Variants in PTGS1 observed in about 807,000 individuals in gnomAD.
PTGS1 encodes prostaglandin G/H synthase 1.
A neutral mutation model predicts 63.0 loss-of-function variants in PTGS1; 40 were observed. The ratio of observed to expected loss-of-function variants is 0.63; its 90% CI spans 0.49 to 0.83. The LOEUF (loss-of-function observed/expected upper bound fraction) is 0.83, where lower values mean the gene tolerates loss of function less well. Ranked by LOEUF, PTGS1 falls within the 40% of genes least tolerant of loss-of-function variation. PTGS1 has a pLI of 0.00. For missense variants in PTGS1, 709 were observed against 786.5 expected (o/e 0.90, Z 1.18); for synonymous variants, 298 against 301.9 (o/e 0.99, Z 0.13).
At chr9:122,375,266 GCACAGCCTCT>G in intron 2 of PTGS1, 1 of 984,614 alleles carries the variant, frequency 1.0e-6, no homozygotes, top group South Asian at 4.7e-5. Flanking sequence ...CTCAGCTCCC[GCACAGCCTCT>G]CTTGGCAGGG....
chr9:122,379,955 G>A (rs146770577), intron 5 of PTGS1, among the ~76,000 whole-genome samples: 1 of 152,224 alleles, frequency 6.6e-6, no homozygotes, highest in Non-Finnish European at 1.5e-5. Flanking sequence ...ATTCCTTTCT[G>A]TGAGGGCAAT....
In PTGS1 at chr9:122,392,482, C is replaced by T. The variant is rs1003968567; in HGVS notation, c.1738C>T (p.Arg580Cys). 9 of 1,614,062 alleles carry T rather than the reference C, an allele frequency of 5.6e-6. No individual in the cohort carries two copies. Among genetic ancestry groups the T allele is most frequent in the African/African-American group, 1.3e-5 (1 of 74,918 alleles). Residue 580 changes from arginine (R) to cysteine (C), a missense_variant, in exon 11 of 11, where the codon CGT becomes TGT. Coordinates refer to ENST00000362012, the MANE Select transcript of PTGS1 (RefSeq NM_000962.4). Reference sequence around the variant, plus strand: ...CAAGACCTGTCCCTACGTTTCCTTCCGTGTGCCGGATGCCAGTCAGGATGA... The same window carrying T: ...CAAGACCTGTCCCTACGTTTCCTTCTGTGTGCCGGATGCCAGTCAGGATGA... ...NTKTCPYVSF[R>C]VPDASQDDGP...
intron 9 of PTGS1, among the ~76,000 whole-genome samples, chr9:122,389,477 G>A (rs1838073478): frequency 6.6e-6 from 1 of 152,168 alleles, no homozygotes; most frequent in Admixed American, 6.5e-5. Flanking sequence ...TTAGACTAAT[G>A]CGCCTTAACT....
upstream of PTGS1, chr9:122,370,940 C>T (rs1229679720): frequency 2.3e-6 from 3 of 1,303,290 alleles, no homozygotes; most frequent in East Asian, 2.7e-5. Context: ...AGGAAGTAAG[C>T]GGGCAGCCGA....
Position 122,381,538 on chromosome 9 carries a change from G to A in PTGS1, c.664G>A (p.Ala222Thr), listed in dbSNP as rs1450665882. 2 of 1,614,186 alleles carry A rather than the reference G, an allele frequency of 1.2e-6. No individual in the cohort carries two copies. The highest frequency in any genetic ancestry group is 1.7e-5 in the Admixed American group (1 of 60,024). The change falls in exon 6 of 11, where the codon GCC becomes ACC. Residue 222 changes from alanine (A) to threonine (T), a missense_variant. Ala to Thr is a moderately conservative substitution (Grantham distance 58, BLOSUM62 0). Transcript: ENST00000362012. ...CAAGATGGGTCCTGGCTTCACCAAG[G>A]CCTTGGGCCATGGGGTGAGTACCTA... ...SGKMGPGFTKALGHGVDLGHI... is the reference protein window; with the variant it reads ...SGKMGPGFTKTLGHGVDLGHI...
chr9:122,386,119 AC>A (rs1837855464), intron 8 of PTGS1, among the ~76,000 whole-genome samples: 1 of 142,554 alleles, frequency 7.0e-6, no homozygotes, highest in African/African-American at 2.9e-5. Context: ...ACATAGTGAG[AC>A]CCCATCTCTT....
intron 4 of PTGS1, 53 bp downstream of exon 4, chr9:122,378,626 C>T (rs979494136): frequency 6.2e-7 from 1 of 1,612,444 alleles, no homozygotes; most frequent in Admixed American, 1.7e-5. Context: ...GCCTGCTAGT[C>T]CTTTTGGATT....
intron 2 of PTGS1, 82 bp downstream of exon 2, chr9:122,371,354 C>A: frequency 6.3e-7 from 1 of 1,581,674 alleles, no homozygotes; most frequent in Non-Finnish European, 8.5e-7. Context: ...TCCCCTCCAG[C>A]GGGCCCAGCT....
chr9:122,378,026 C>T lies in PTGS1; in HGVS notation c.211+11C>T, dbSNP rs1292950325. 16 of 1,606,198 alleles carry T rather than the reference C, an allele frequency of 1.0e-5. No homozygotes were observed. The highest frequency in any genetic ancestry group is 6.7e-5 in the East Asian group (3 of 44,862). On this transcript the variant is annotated intron_variant, in intron 3 of 10. Transcript: ENST00000362012. Reference sequence around the variant, plus strand: ...CCAACTGCACCATCCGTGAGCTGGGCCTTCAGCCCTCACTCCTTCCGTCTT... The same window carrying T: ...CCAACTGCACCATCCGTGAGCTGGGTCTTCAGCCCTCACTCCTTCCGTCTT...
chr9:122,376,909 G>C (rs777472917), intron 2 of PTGS1, among the ~76,000 whole-genome samples: 1 of 152,226 alleles, frequency 6.6e-6, no homozygotes, highest in African/African-American at 2.4e-5. Flanking sequence ...TTTAGCAAGG[G>C]GGTGGTGGTC....
rs149746421 is a variant in PTGS1, at chr9:122,390,620, G to A, written c.1444+275G>A. On this transcript the variant is annotated intron_variant, in intron 10 of 10. Coordinates refer to ENST00000362012, the MANE Select transcript of PTGS1 (RefSeq NM_000962.4). ...AGCAATAGAAAGTACAAAGGCTGCC[G>A]GGCAAGGTGGCTCGCGCCTGTAATC... 1.1e-4 allele frequency among the ~76,000 whole-genome samples: 16 copies of A among 152,226 alleles called. No individual in the cohort carries two copies. The East Asian group carries it at 2.5e-3, about 24-fold the overall frequency.
intron 9 of PTGS1, among the ~76,000 whole-genome samples, chr9:122,388,847 G>A (rs946910282): frequency 6.6e-6 from 1 of 152,224 alleles, no homozygotes; most frequent in African/African-American, 2.4e-5. Context: ...TAATCCAGTA[G>A]GATCTCATCT....
rs1305615443 is a variant in PTGS1, at chr9:122,392,192, A to G, written c.1448A>G (p.Glu483Gly). ...ATTTCCCCTTATCTCCTTGTAGGAG[A>G]GAAGGAGATGGCAGCAGAGTTGGAG... ...PYTSFQELVG[E>G]KEMAAELEEL... is the part of the protein sequence containing the mutation. The change falls in exon 11 of 11, where the codon GAG becomes GGG. Residue 483 changes from glutamate to glycine, a missense_variant. Coordinates refer to ENST00000362012, the MANE Select transcript of PTGS1 (RefSeq NM_000962.4). 18 of 1,581,732 alleles carry G rather than the reference A, an allele frequency of 1.1e-5. No individual in the cohort carries two copies. The highest frequency in any genetic ancestry group is 1.6e-5 in the Non-Finnish European group (18 of 1,158,578).
Position 122,373,216 on chromosome 9 carries a change from C to G in PTGS1, c.94+1944C>G, listed in dbSNP as rs563657398. Among the ~76,000 whole-genome samples the G allele has an allele frequency of 2.6e-5, 4 of 152,246 alleles. No homozygotes were observed. The East Asian group carries it at 7.7e-4, about 29-fold the overall frequency. On this transcript the variant is annotated intron_variant, in intron 2 of 10. Coordinates refer to ENST00000362012, the MANE Select transcript of PTGS1 (RefSeq NM_000962.4). ...CGTAATGTGGGGATGAGACTGGAGGCCAGAAAACTGGTACCGAGGCTCCTG... is the reference window on the plus strand; with the variant it reads ...CGTAATGTGGGGATGAGACTGGAGGGCAGAAAACTGGTACCGAGGCTCCTG...
At chr9:122,380,373 G>A (rs1837432420) in intron 5 of PTGS1, among the ~76,000 whole-genome samples, 1 of 151,994 alleles carries the variant, frequency 6.6e-6, no homozygotes, top group Non-Finnish European at 1.5e-5. Flanking sequence ...GCTAAGGTGG[G>A]TGGATCAATT....
chr9:122,374,903 C>G (rs1282986111), intron 2 of PTGS1, among the ~76,000 whole-genome samples: 1 of 152,312 alleles, frequency 6.6e-6, no homozygotes, highest in East Asian at 1.9e-4. Context: ...GCAGTGGGGT[C>G]TGGGCAAGCC....
At chr9:122,374,976 A>C (rs934019218) in intron 2 of PTGS1, among the ~76,000 whole-genome samples, 1 of 152,028 alleles carries the variant, frequency 6.6e-6, no homozygotes, top group African/African-American at 2.4e-5. Context: ...TACCTCTCTT[A>C]GGGAGTGCTG....
chr9:122,394,121 T>G lies in PTGS1; in HGVS notation c.*1577T>G, dbSNP rs1023464122. On this transcript the variant is annotated 3_prime_UTR_variant, in exon 11 of 11. Coordinates refer to ENST00000362012, the MANE Select transcript of PTGS1 (RefSeq NM_000962.4). The stretch of plus-strand genomic sequence containing the variant: ...TCTGCTCTGTCCTCCCCTATTGCGC[T>G]CTCAAGACCAGAGACCCAACAGCAG... The G allele has an allele frequency of 1.3e-5, 2 of 152,308 alleles. No individual in the cohort carries two copies. The highest frequency in any genetic ancestry group is 3.9e-4 in the East Asian group (2 of 5,178). The allele number at this position is 152,308 out of a possible 1,614,324, so 9.4% of individuals were successfully genotyped here. A position where few individuals can be genotyped will look rare whatever the true frequency, so the allele number is the denominator to read the frequency against.
intron 10 of PTGS1, among the ~76,000 whole-genome samples, chr9:122,391,323 T>C (rs1396738170): frequency 8.2e-6 from 1 of 122,586 alleles, no homozygotes; most frequent in African/African-American, 4.3e-5. Flanking sequence ...TACACACACA[T>C]ATATATGTGT....
Sources: gnomAD v4.1 joint callset for allele counts (sites outside exome capture counted in the v4.1 genomes callset) on GRCh38, gnomAD v4.1.1 for gene constraint, MANE v1.5 for transcripts, NCBI Gene and HGNC (gene_info 2026-07-23, HGNC 2026-07-21) for gene names.